The following ARID5A variants were observed in gnomAD, a reference collection of about 807,000 sequenced individuals.
ARID5A encodes the protein AT-rich interactive domain-containing protein 5A.
In ARID5A, 14 loss-of-function variants were observed where a neutral mutation model predicts 30.5. That is an observed-to-expected ratio of 0.46 (90% CI 0.30 to 0.72). ARID5A has a LOEUF of 0.72. Among genes scored for constraint, ARID5A ranks in the 30% least tolerant of loss-of-function variants. The pLI, the probability that ARID5A is intolerant of heterozygous loss-of-function variation, is 0.07. For missense variants in ARID5A, 669 were observed against 786.2 expected (o/e 0.85, Z 1.78); for synonymous variants, 338 against 340.4 (o/e 0.99, Z 0.08).
chr2:96,540,704 T>C (rs756801942), intron 1 of ARID5A, among the ~76,000 whole-genome samples: 1 of 152,252 alleles, frequency 6.6e-6, no homozygotes, highest in Non-Finnish European at 1.5e-5. Context: ...AAGTAGTTTC[T>C]AAATTTAAAT....
intron 1 of ARID5A, among the ~76,000 whole-genome samples, chr2:96,540,412 T>C (rs1323174015): frequency 1.3e-5 from 2 of 152,238 alleles, no homozygotes; most frequent in African/African-American, 4.8e-5. Flanking sequence ...CAGGCTCATC[T>C]TCTGGCGCAG....
rs948147179 is a variant in ARID5A, at chr2:96,550,536, C to G, written c.411-38C>G. 1 of 1,552,908 alleles carries G rather than the reference C, an allele frequency of 6.4e-7. No individual in the cohort carries two copies. The highest frequency in any genetic ancestry group is 1.4e-5 in the African/African-American group (1 of 73,426). On this transcript the variant is annotated intron_variant, in intron 5 of 6. Coordinates refer to ENST00000357485, the MANE Select transcript of ARID5A (RefSeq NM_212481.3). The surrounding 1 kb of genome is among the most constrained non-coding windows in gnomAD (Gnocchi z 6.6). ...TACAGAGGCCCAGGGAGGGGATGGGCGCCGGCCTCCTGGGGGACATGCGTG... is the reference window on the plus strand; with the variant it reads ...TACAGAGGCCCAGGGAGGGGATGGGGGCCGGCCTCCTGGGGGACATGCGTG...
At chr2:96,538,423 C>A in intron 1 of ARID5A, 1 of 774,568 alleles carries the variant, frequency 1.3e-6, no homozygotes, top group Non-Finnish European at 1.6e-6. Context: ...CTCTTGTGGC[C>A]TCAGCTGCCC....
At chr2:96,548,881 A>G (rs1299464741) in intron 2 of ARID5A, among the ~76,000 whole-genome samples, 2 of 152,204 alleles carry the variant, frequency 1.3e-5, no homozygotes, top group African/African-American at 4.8e-5. Flanking sequence ...AGAAAGCACC[A>G]AGCACCTTTG....
At position 96,536,842 on chromosome 2, in the gene ARID5A, T is replaced by TGCGGCGCGGCCCGGACAGGGGCTCG. The variant is rs1177930647; in HGVS notation, c.4+18_4+42dup. ...TCTCCGGGCCATGGGTAAGCGGCTC[T>TGCGGCGCGGCCCGGACAGGGGCTCG]GCGGCGCGGCCCGGACAGGGGCTCG... is the stretch of plus-strand genomic sequence containing the variant. On this transcript the variant is annotated intron_variant, in intron 1 of 6. Transcript: ENST00000357485. 1 of 1,224,904 alleles carries TGCGGCGCGGCCCGGACAGGGGCTCG rather than the reference T, an allele frequency of 8.2e-7. No homozygotes were observed. The highest frequency in any genetic ancestry group is 1.6e-5 in the African/African-American group (1 of 64,004). 75.9% of individuals were successfully genotyped at this position (1,224,904 alleles called of 1,614,324 possible). A position where few individuals can be genotyped will look rare whatever the true frequency, so the allele number is the denominator to read the frequency against.
In ARID5A at chr2:96,547,274, GC is replaced by G. The variant is rs1403131519; in HGVS notation, c.5-124del. ...CAAAGTGCTGGGATCACAGGAGTGA[GC>G]CCCTGCACTGGCGCCCTCTGGCAAC... is the stretch of plus-strand genomic sequence containing the variant. On this transcript the variant is annotated intron_variant, in intron 1 of 6. Transcript: ENST00000357485. The G allele has an allele frequency of 7.0e-6, 5 of 710,244 alleles. No individual in the cohort carries two copies. The East Asian group carries it at 1.2e-4, about 17-fold the overall frequency. 44.0% of individuals were successfully genotyped at this position (710,244 alleles called of 1,614,324 possible).
chr2:96,546,640 G>C (rs1011268319), intron 1 of ARID5A, among the ~76,000 whole-genome samples: 2 of 152,230 alleles, frequency 1.3e-5, no homozygotes, highest in Non-Finnish European at 2.9e-5. Flanking sequence ...GGAGCTGCCC[G>C]TGGCCAGGGG....
chr2:96,549,337 G>A lies in ARID5A; in HGVS notation c.137G>A (p.Gly46Asp), dbSNP rs981221781. Residue 46 changes from glycine to aspartate, a missense_variant, in exon 3 of 7, where the codon GGC becomes GAC. Physicochemically the swap from Gly to Asp is moderately conservative, Grantham distance 94 (BLOSUM62 -1). Around this residue, in one of 4 missense-constraint regions of ARID5A, gnomAD observed 56 missense variants for 72.8 expected, o/e 0.77. Coordinates refer to ENST00000357485, the MANE Select transcript of ARID5A (RefSeq NM_212481.3). This position sits in a 1 kb window ranked among gnomAD's most constrained non-coding sequence, Gnocchi z 6.1. ...PISLEDSPEAGGEREEEQERE... is the reference protein window; with the variant it reads ...PISLEDSPEADGEREEEQERE... The stretch of plus-strand genomic sequence containing the variant: ...TCTCCCCAGGACTCCCCCGAGGCAG[G>A]CGGGGAGCGGGAGGAGGAGCAGGAG... The A allele has an allele frequency of 8.1e-6, 13 of 1,613,320 alleles. No individual in the cohort carries two copies. The highest frequency in any genetic ancestry group is 1.3e-5 in the African/African-American group (1 of 74,908).
intron 1 of ARID5A, chr2:96,538,120 T>C: frequency 1.0e-6 from 1 of 985,274 alleles, no homozygotes; most frequent in Non-Finnish European, 1.2e-6. Flanking sequence ...GTGGCAGAGG[T>C]AGAAAGGGCC....
At position 96,552,269 on chromosome 2, in the gene ARID5A, A is replaced by G. The variant is rs945643236; in HGVS notation, c.1741A>G (p.Thr581Ala). 4 of 1,612,924 alleles carry G rather than the reference A, an allele frequency of 2.5e-6. No homozygotes were observed. The African/African-American group carries it at 5.3e-5, about 22-fold the overall frequency. ...TGCCTGGCACGCACCACCAGTCACA[A>G]CCTATGCAGCGCCCCACTTCTTCCA... is the stretch of plus-strand genomic sequence containing the variant. ...SSAWHAPPVTTYAAPHFFHLN... is the reference protein window; with the variant it reads ...SSAWHAPPVTAYAAPHFFHLN... Residue 581 changes from threonine to alanine, a missense_variant, in exon 7 of 7, where the codon ACC becomes GCC. Coordinates refer to ENST00000357485, the MANE Select transcript of ARID5A (RefSeq NM_212481.3).
At position 96,539,529 on chromosome 2, in the gene ARID5A, G is replaced by A. The variant is rs1469511082; in HGVS notation, c.4+2699G>A. Among the ~76,000 whole-genome samples the A allele has an allele frequency of 6.6e-6, 1 of 152,214 alleles. No individual in the cohort carries two copies. The highest frequency in any genetic ancestry group is 2.4e-5 in the African/African-American group (1 of 41,456). ...GTTGGTTGGGCCCTGGCCAGAGCTGGCCCCCTACTCTCTCAGGTAACAGGT... is the reference window on the plus strand; with the variant it reads ...GTTGGTTGGGCCCTGGCCAGAGCTGACCCCCTACTCTCTCAGGTAACAGGT... On this transcript the variant is annotated intron_variant, in intron 1 of 6. Transcript: ENST00000357485. This position sits in a 1 kb window ranked among gnomAD's most constrained non-coding sequence, Gnocchi z 4.7.
In ARID5A at chr2:96,549,300, T is replaced by A. The variant is rs1460338943; in HGVS notation, c.121-21T>A. ...AGCCACCAACTGGGGCCCATCCCAA[T>A]GCCTCCTGTTCTCTCCCCAGGACTC... On this transcript the variant is annotated intron_variant, in intron 2 of 6. Transcript: ENST00000357485. The surrounding 1 kb of genome is among the most constrained non-coding windows in gnomAD (Gnocchi z 6.1). 6.2e-7 allele frequency: 1 copy of A among 1,604,686 alleles called. No homozygotes were observed. Among genetic ancestry groups the A allele is most frequent in the South Asian group, 1.1e-5 (1 of 90,572 alleles).
rs777824767 is a variant in ARID5A, at chr2:96,551,699, G to A, written c.1171G>A (p.Gly391Arg). Residue 391 changes from glycine (G) to arginine (R), a missense_variant, in exon 7 of 7, where the codon GGA becomes AGA. By Grantham distance (125) the Gly-to-Arg change is moderately radical. Transcript: ENST00000357485. ...SVKEPQLVWG[G>R]DANRPSAFHK... is the part of the protein sequence containing the mutation. ...GAAAGAGCCCCAGCTGGTGTGGGGCGGAGACGCTAACCGCCCTTCTGCGTT... is the reference window on the plus strand; with the variant it reads ...GAAAGAGCCCCAGCTGGTGTGGGGCAGAGACGCTAACCGCCCTTCTGCGTT... The A allele has an allele frequency of 1.3e-5, 20 of 1,520,890 alleles. No individual in the cohort carries two copies. The highest frequency in any genetic ancestry group is 5.3e-5 in the South Asian group (4 of 75,530). 94.2% of individuals were successfully genotyped at this position (1,520,890 alleles called of 1,614,324 possible).
In ARID5A at chr2:96,552,319, C is replaced by T; in HGVS notation, c.*6C>T. On this transcript the variant is annotated 3_prime_UTR_variant, in exon 7 of 7. Transcript: ENST00000357485. ...ACCTCAACACCAAGCTGTAGGCCAGCCCATGGTGTTGTGTACACTGTGGAG... is the reference window on the plus strand; with the variant it reads ...ACCTCAACACCAAGCTGTAGGCCAGTCCATGGTGTTGTGTACACTGTGGAG... 4 of 1,613,340 alleles carry T rather than the reference C, an allele frequency of 2.5e-6. No individual in the cohort carries two copies. Among genetic ancestry groups the T allele is most frequent in the Non-Finnish European group, 2.5e-6 (3 of 1,180,012 alleles).
In ARID5A at chr2:96,551,163, C is replaced by G. The variant is rs2066032779; in HGVS notation, c.635C>G (p.Pro212Arg). 2 of 1,613,914 alleles carry G rather than the reference C, an allele frequency of 1.2e-6. No homozygotes were observed. Among genetic ancestry groups the G allele is most frequent in the Non-Finnish European group, 1.7e-6 (2 of 1,179,966 alleles). Residue 212 changes from proline (P) to arginine (R), a missense_variant, in exon 7 of 7, where the codon CCC becomes CGC. Physicochemically the swap from Pro to Arg is moderately radical, Grantham distance 103 (BLOSUM62 -2). This residue lies in a region of ARID5A where 548 missense variants were observed against 577.4 expected (regional missense o/e 0.95). Coordinates refer to ENST00000357485, the MANE Select transcript of ARID5A (RefSeq NM_212481.3). ...DPAPLPSQEP[P>R]RNSTEQQGLA... ...GCACCACTTCCCAGCCAGGAGCCCC[C>G]CAGGAACAGCACAGAACAGCAGGGC...
intron 1 of ARID5A, chr2:96,538,239 G>A: frequency 3.0e-6 from 3 of 985,500 alleles, no homozygotes; most frequent in Non-Finnish European, 3.6e-6. Context: ...CTCACTGTCC[G>A]TCACCACCAA....
intron 1 of ARID5A, among the ~76,000 whole-genome samples, chr2:96,542,070 A>T (rs1377057873): frequency 6.6e-6 from 1 of 152,220 alleles, no homozygotes; most frequent in Non-Finnish European, 1.5e-5. Flanking sequence ...ATGGCCCAAC[A>T]TCTATGGCAG....
rs1259522067 is a variant in ARID5A, at chr2:96,550,160, G to A, written c.313-28G>A. ...CCCCGCCGCCAGGGGGCGCCCGCCG[G>A]CCGCGCCCTCACGAGGTGCCCTTGC... is the stretch of plus-strand genomic sequence containing the variant. On this transcript the variant is annotated intron_variant, in intron 4 of 6. Coordinates refer to ENST00000357485, the MANE Select transcript of ARID5A (RefSeq NM_212481.3). The surrounding 1 kb of genome is among the most constrained non-coding windows in gnomAD (Gnocchi z 6.6). 2 of 1,532,402 alleles carry A rather than the reference G, an allele frequency of 1.3e-6. No homozygotes were observed. Among genetic ancestry groups the A allele is most frequent in the South Asian group, 1.2e-5 (1 of 83,622 alleles). The allele number at this position is 1,532,402 out of a possible 1,614,324, so 94.9% of individuals were successfully genotyped here. A position where few individuals can be genotyped will look rare whatever the true frequency, so the allele number is the denominator to read the frequency against.
chr2:96,542,881 G>A (rs1017816461), intron 1 of ARID5A, among the ~76,000 whole-genome samples: 1 of 152,196 alleles, frequency 6.6e-6, no homozygotes, highest in African/African-American at 2.4e-5. Context: ...GCCAGTGGAG[G>A]AGGTGCTTCT....
Sources: allele counts gnomAD v4.1 joint callset (sites outside exome capture counted in the v4.1 genomes callset), GRCh38; gene constraint gnomAD v4.1.1; regional missense constraint gnomAD v4.1.1; non-coding constraint Gnocchi (gnomAD v3.1); transcripts MANE v1.5; gene names NCBI Gene and HGNC (gene_info 2026-07-23, HGNC 2026-07-21).